The following SPON2 variants were observed in gnomAD, a reference collection of about 807,000 sequenced individuals.
SPON2 encodes the protein spondin-2.
A neutral mutation model predicts 29.9 loss-of-function variants in SPON2; 32 were observed. The observed-to-expected ratio is 1.07, with a 90% CI of 0.81 to 1.44. The LOEUF (loss-of-function observed/expected upper bound fraction) is 1.44, where lower values mean the gene tolerates loss of function less well. Among genes scored for constraint, SPON2 ranks in the 40% most tolerant of loss-of-function variants. The probability of loss-of-function intolerance (pLI) is 0.00; values close to 1 mark genes in which losing one functional copy is unlikely to be tolerated. For missense variants in SPON2, 541 were observed against 455.5 expected (o/e 1.19, Z -1.71); for synonymous variants, 248 against 209.1 (o/e 1.19, Z -1.61).
intron 1 of SPON2, among the ~76,000 whole-genome samples, chr4:1,189,238 A>C (rs988323190): frequency 1.3e-5 from 2 of 152,140 alleles, no homozygotes; most frequent in African/African-American, 4.8e-5. Flanking sequence ...AGAGATCTCA[A>C]ATCAATAACC....
At chr4:1,183,156 G>A (rs540559233) in intron 1 of SPON2, among the ~76,000 whole-genome samples, 9 of 149,666 alleles carry the variant, frequency 6.0e-5, no homozygotes, top group South Asian at 4.2e-4. Flanking sequence ...CAGGAGAATC[G>A]CTTAGAACAC....
At chr4:1,201,932 G>A (rs1412413185) in intron 1 of SPON2, among the ~76,000 whole-genome samples, 2 of 152,170 alleles carry the variant, frequency 1.3e-5, no homozygotes, top group African/African-American at 2.4e-5. Context: ...CCTGGCTCCC[G>A]CAAAACAGCT....
chr4:1,174,502 AC>A (rs377350987), upstream of SPON2, among the ~76,000 whole-genome samples: 1,401 of 138,264 alleles, frequency 0.01, 54 homozygotes, highest in African/African-American at 0.032. Context: ...AAAAAAAAAA[AC>A]AAAAAAACAA....
chr4:1,180,474 G>A (rs745416344), intron 1 of SPON2, among the ~76,000 whole-genome samples: 4 of 152,162 alleles, frequency 2.6e-5, no homozygotes, highest in Non-Finnish European at 4.4e-5. Context: ...AAAATTGTGA[G>A]ATGTGAGAAA....
upstream of SPON2, among the ~76,000 whole-genome samples, chr4:1,176,569 CA>C (rs1727602145): frequency 6.7e-6 from 1 of 150,058 alleles, no homozygotes; most frequent in South Asian, 2.1e-4. Context: ...TACATTCATT[CA>C]AGCATCCATT....
At chr4:1,181,921 T>G (rs1297447775) in intron 1 of SPON2, among the ~76,000 whole-genome samples, 2 of 152,178 alleles carry the variant, frequency 1.3e-5, no homozygotes, top group African/African-American at 2.4e-5. Context: ...TCCTTTTCCC[T>G]TTTTGGAAGC....
At chr4:1,170,965 T>C (rs1283181758) in intron 4 of SPON2, 34 bp downstream of exon 4, 4 of 1,545,934 alleles carry the variant, frequency 2.6e-6, no homozygotes, top group African/African-American at 1.4e-5. Flanking sequence ...GCGGGGGCCA[T>C]AGCGGCCCTT....
upstream of SPON2, among the ~76,000 whole-genome samples, chr4:1,175,221 G>A (rs1304465026): frequency 6.6e-6 from 1 of 152,246 alleles, no homozygotes; most frequent in Non-Finnish European, 1.5e-5. Context: ...CTGAGGAGAG[G>A]AAGGAGGCGC....
At chr4:1,182,504 C>A (rs1727716044) in intron 1 of SPON2, among the ~76,000 whole-genome samples, 1 of 152,048 alleles carries the variant, frequency 6.6e-6, no homozygotes, top group Non-Finnish European at 1.5e-5. Flanking sequence ...AAGAAAGAAT[C>A]AGAGAACTTG....
At chr4:1,191,449 C>T (rs1727912456) in intron 1 of SPON2, among the ~76,000 whole-genome samples, 1 of 152,136 alleles carries the variant, frequency 6.6e-6, no homozygotes, top group African/African-American at 2.4e-5. Context: ...ACACCATATA[C>T]AAAAAAATTA....
chr4:1,184,111 A>C (rs1727749457), intron 1 of SPON2, among the ~76,000 whole-genome samples: 1 of 152,058 alleles, frequency 6.6e-6, no homozygotes, highest in Non-Finnish European at 1.5e-5. Context: ...CAAGTAGCTG[A>C]GACTACAGGT....
chr4:1,169,524 G>A (rs1727352646), intron 5 of SPON2, among the ~76,000 whole-genome samples: 1 of 152,108 alleles, frequency 6.6e-6, no homozygotes, highest in Non-Finnish European at 1.5e-5. Context: ...TTCCAGGGAC[G>A]GCTGACAGTA....
At chr4:1,181,506 G>A in intron 1 of SPON2, among the ~76,000 whole-genome samples, 1 of 152,158 alleles carries the variant, frequency 6.6e-6, no homozygotes, top group Non-Finnish European at 1.5e-5. Flanking sequence ...GGAAGATGGT[G>A]GAGCAATAAG....
At position 1,166,974 on chromosome 4, in the gene SPON2, T is replaced by G. The variant is rs930398463; in HGVS notation, c.*498A>C. 6.5e-6 allele frequency: 1 copy of G among 153,892 alleles called. No individual in the cohort carries two copies. Among genetic ancestry groups the G allele is most frequent in the Non-Finnish European group, 1.4e-5 (1 of 69,218 alleles). The allele number at this position is 153,892 out of a possible 1,614,324, so 9.5% of individuals were successfully genotyped here. On this transcript the variant is annotated 3_prime_UTR_variant, in exon 6 of 6. Coordinates refer to ENST00000290902, the MANE Select transcript of SPON2 (RefSeq NM_012445.4). ...TAGTCTTTATTCAAACGCAGAGAGATCCATAACATGGAAACACTGACGCTT... is the reference window on the plus strand; with the variant it reads ...TAGTCTTTATTCAAACGCAGAGAGAGCCATAACATGGAAACACTGACGCTT...
At chr4:1,178,377 A>G (rs1334279759) in intron 2 of SPON2, among the ~76,000 whole-genome samples, 1 of 151,802 alleles carries the variant, frequency 6.6e-6, no homozygotes, top group East Asian at 1.9e-4. Flanking sequence ...ATGGGGCCAC[A>G]TGGTCCAGTG....
upstream of SPON2, among the ~76,000 whole-genome samples, chr4:1,173,768 G>A (rs1476727937): frequency 2.6e-5 from 4 of 152,212 alleles, no homozygotes; most frequent in Non-Finnish European, 5.9e-5. Flanking sequence ...AGAAACAAAT[G>A]ATCTAACCTG....
chr4:1,204,200 GT>G (rs2108683186), intron 1 of SPON2, among the ~76,000 whole-genome samples: 1 of 152,302 alleles, frequency 6.6e-6, no homozygotes, highest in South Asian at 2.1e-4. Context: ...TTTTAACTAG[GT>G]TGTTTATCTT....
intron 5 of SPON2, chr4:1,167,942 G>A (rs1409660671): frequency 1.4e-5 from 5 of 355,656 alleles, no homozygotes; most frequent in Non-Finnish European, 2.0e-5. Context: ...CAGAGTAAGG[G>A]GCCCCTGGGA....
chr4:1,195,248 C>T, upstream of SPON2: 1 of 152,526 alleles, frequency 6.6e-6, no homozygotes. Context: ...TGTCCCACTC[C>T]CGCATCTCCT....
Sources: gnomAD v4.1 joint callset for allele counts (sites outside exome capture counted in the v4.1 genomes callset) on GRCh38, gnomAD v4.1.1 for gene constraint, MANE v1.5 for transcripts, NCBI Gene and HGNC (gene_info 2026-07-23, HGNC 2026-07-21) for gene names.